The following CFTR variants were observed in gnomAD, a reference collection of about 807,000 sequenced individuals.
CFTR encodes cystic fibrosis transmembrane conductance regulator.
A neutral mutation model predicts 171.6 loss-of-function variants in CFTR; 181 were observed. That is an observed-to-expected ratio of 1.05 (90% confidence interval 0.93 to 1.19). The LOEUF is 1.19. CFTR is among the 50% of genes most tolerant of loss of function. The pLI is 0.00. For missense variants in CFTR, 1,968 were observed against 1,734.7 expected (o/e 1.13, Z -2.39); for synonymous variants, 583 against 608.0 (o/e 0.96, Z 0.60).
intron 23 of CFTR, among the ~76,000 whole-genome samples, chr7:117,645,456 T>G (rs1359601475): frequency 6.6e-6 from 1 of 152,144 alleles, no homozygotes; most frequent in Admixed American, 6.5e-5. Context: ...TGATTAAATA[T>G]AGTCATGGTT....
chr7:117,481,616 T>C (rs1009825290), intron 1 of CFTR, among the ~76,000 whole-genome samples: 37 of 152,150 alleles, frequency 2.4e-4, no homozygotes, highest in African/African-American at 8.9e-4. Flanking sequence ...GGCTGCTAAG[T>C]GTGTTAAGAG....
intron 4 of CFTR, 46 bp downstream of exon 4, chr7:117,531,160 G>A (rs761864917): frequency 2.0e-5 from 29 of 1,437,484 alleles, no homozygotes; most frequent in African/African-American, 1.7e-4. Context: ...ATTCTGTATC[G>A]TACATGTTTT....
chr7:117,553,896 C>T (rs1012232397), intron 10 of CFTR, among the ~76,000 whole-genome samples: 1 of 152,088 alleles, frequency 6.6e-6, no homozygotes, highest in Non-Finnish European at 1.5e-5. Context: ...TTCCAAGTAG[C>T]AGGTGAAGCA....
intron 4 of CFTR, among the ~76,000 whole-genome samples, chr7:117,531,962 G>A (rs1798872910): frequency 6.6e-6 from 1 of 151,912 alleles, no homozygotes; most frequent in Admixed American, 6.6e-5. Flanking sequence ...TCTGAAATCT[G>A]CCTCTAGCAA....
chr7:117,496,271 T>A (rs1468120853), intron 1 of CFTR, among the ~76,000 whole-genome samples: 4 of 152,120 alleles, frequency 2.6e-5, no homozygotes, highest in Admixed American at 1.3e-4. Flanking sequence ...AGTGGCATGA[T>A]CATGGGTCAC....
At chr7:117,560,341 G>A (rs545185540) in intron 11 of CFTR, among the ~76,000 whole-genome samples, 1 of 152,242 alleles carries the variant, frequency 6.6e-6, no homozygotes, top group South Asian at 2.1e-4. Flanking sequence ...TTGTGTGATG[G>A]TGGGTTCAGT....
intron 10 of CFTR, among the ~76,000 whole-genome samples, chr7:117,549,393 A>ATATTTGG (rs1409305287): frequency 6.6e-6 from 1 of 152,170 alleles, no homozygotes; most frequent in Non-Finnish European, 1.5e-5. Flanking sequence ...TTAACCTGGC[A>ATATTTGG]TATTTGGAGA....
At chr7:117,504,434 A>G in intron 2 of CFTR, 71 bp downstream of exon 2, 1 of 827,630 alleles carries the variant, frequency 1.2e-6, no homozygotes, top group South Asian at 1.4e-5. Flanking sequence ...AGAGAAAGCA[A>G]ACATATTATA....
At chr7:117,662,931 G>A (rs1793314554) in intron 24 of CFTR, among the ~76,000 whole-genome samples, 1 of 152,150 alleles carries the variant, frequency 6.6e-6, no homozygotes, top group Non-Finnish European at 1.5e-5. Flanking sequence ...AATATTCAAG[G>A]GGGCAGGAAG....
chr7:117,546,180 G>C (rs1470111167), intron 9 of CFTR, among the ~76,000 whole-genome samples: 1 of 151,982 alleles, frequency 6.6e-6, no homozygotes, highest in Non-Finnish European at 1.5e-5. Flanking sequence ...TTTTAGTAGA[G>C]ACGGGGTTTC....
intron 2 of CFTR, 40 bp downstream of exon 2, chr7:117,504,403 A>T (rs1395850305): frequency 3.1e-6 from 3 of 965,868 alleles, no homozygotes; most frequent in Non-Finnish European, 5.0e-6. Context: ...AGAGAAATTC[A>T]TATTATTAAT....
intron 7 of CFTR, 81 bp downstream of exon 7, chr7:117,536,754 C>A: frequency 8.6e-7 from 1 of 1,158,460 alleles, no homozygotes; most frequent in Non-Finnish European, 1.3e-6. Context: ...GGTAGACTTC[C>A]ACCTCATATT....
intron 2 of CFTR, among the ~76,000 whole-genome samples, chr7:117,506,985 G>T (rs1798429252): frequency 1.3e-5 from 2 of 152,186 alleles, no homozygotes. Flanking sequence ...GCCCTCAAGT[G>T]GTTGCCAGAT....
At chr7:117,616,705 T>C (rs1384980655) in intron 21 of CFTR, among the ~76,000 whole-genome samples, 1 of 152,128 alleles carries the variant, frequency 6.6e-6, no homozygotes, top group Admixed American at 6.6e-5. Context: ...CTTGTGGCAT[T>C]GAAGGATCTT....
intron 15 of CFTR, among the ~76,000 whole-genome samples, chr7:117,601,253 G>A (rs1444819626): frequency 2.0e-5 from 3 of 151,946 alleles, no homozygotes; most frequent in Admixed American, 6.6e-5. Context: ...TTTTGTGCTA[G>A]AACAAAGACT....
chr7:117,579,028 G>A (rs1226787039), intron 11 of CFTR, among the ~76,000 whole-genome samples: 1 of 151,810 alleles, frequency 6.6e-6, no homozygotes, highest in Admixed American at 6.6e-5. Flanking sequence ...CTGGATAAGA[G>A]ATAAATATAG....
At chr7:117,553,248 T>C (rs1799300958) in intron 10 of CFTR, among the ~76,000 whole-genome samples, 1 of 146,530 alleles carries the variant, frequency 6.8e-6, no homozygotes, top group Non-Finnish European at 1.5e-5. Flanking sequence ...CACACACACA[T>C]GCACACACAT....
At chr7:117,604,260 T>G (rs1198627895) in intron 17 of CFTR, among the ~76,000 whole-genome samples, 1 of 152,218 alleles carries the variant, frequency 6.6e-6, no homozygotes, top group African/African-American at 2.4e-5. Flanking sequence ...AAATGTATTT[T>G]AAAACTATTT....
chr7:117,585,376 G>T (rs1027559246), intron 11 of CFTR, among the ~76,000 whole-genome samples: 2 of 150,966 alleles, frequency 1.3e-5, no homozygotes, highest in African/African-American at 4.9e-5. Context: ...TGTTATAATC[G>T]TACTGTCAAG....
Sources: allele counts gnomAD v4.1 joint callset (sites outside exome capture counted in the v4.1 genomes callset), GRCh38; gene constraint gnomAD v4.1.1; transcripts MANE v1.5; gene names NCBI Gene and HGNC (gene_info 2026-07-23, HGNC 2026-07-21).